CHD7: variants seen among roughly 807,000 people sequenced by gnomAD.
The protein encoded by CHD7 is chromodomain helicase DNA binding protein 7.
In CHD7, 24 loss-of-function variants were observed where a neutral mutation model predicts 307.3. The ratio of observed to expected loss-of-function variants is 0.08; its 90% CI spans 0.06 to 0.11. The LOEUF (loss-of-function observed/expected upper bound fraction) is 0.11, where lower values mean the gene tolerates loss of function less well. Among genes scored for constraint, CHD7 ranks in the 10% least tolerant of loss-of-function variants. The pLI is 1.00. For synonymous variants in CHD7, 1,363 were observed against 1,349.9 expected (o/e 1.01, Z -0.21); for missense variants, 3,106 against 3,727.1 (o/e 0.83, Z 4.34).
At chr8:60,687,312 AAT>A (rs1197218865) in intron 1 of CHD7, among the ~76,000 whole-genome samples, 3 of 152,212 alleles carry the variant, frequency 2.0e-5, no homozygotes, top group African/African-American at 4.8e-5. Context: ...ATAAAAAAAA[AAT>A]ACCCCAGTTG....
intron 1 of CHD7, among the ~76,000 whole-genome samples, chr8:60,718,787 A>G (rs1807749995): frequency 8.0e-6 from 1 of 125,566 alleles, no homozygotes; most frequent in Non-Finnish European, 1.6e-5. Flanking sequence ...TTCATTCACC[A>G]CTCACTCACT....
chr8:60,851,419 A>G (rs1805451814), intron 28 of CHD7, 100 bp downstream of exon 28: 10 of 851,814 alleles, frequency 1.2e-5, no homozygotes, highest in Non-Finnish European at 1.6e-5. Context: ...CAGTGTCTTA[A>G]CACCTTATTT....
intron 8 of CHD7, 78 bp downstream of exon 8, chr8:60,816,579 T>C (rs1803759358): frequency 1.1e-6 from 1 of 871,420 alleles, no homozygotes; most frequent in African/African-American, 1.7e-5. Flanking sequence ...GTTCCATGAA[T>C]TAAGAAAAAC....
At chr8:60,837,156 A>G in intron 17 of CHD7, 144 bp downstream of exon 17, 1 of 636,952 alleles carries the variant, frequency 1.6e-6, no homozygotes, top group East Asian at 2.9e-5. Flanking sequence ...ACCAACTAGT[A>G]ATCTGTTGAT....
intron 19 of CHD7, among the ~76,000 whole-genome samples, chr8:60,839,379 G>A (rs1439172697): frequency 6.6e-6 from 1 of 152,164 alleles, no homozygotes; most frequent in Admixed American, 6.5e-5. Flanking sequence ...TATGAAGAAT[G>A]TTGTTATGGA....
chr8:60,748,355 T>G (rs1309123180), intron 2 of CHD7, among the ~76,000 whole-genome samples: 1 of 152,110 alleles, frequency 6.6e-6, no homozygotes. Context: ...GGGCCTTGAG[T>G]GTCCCTAGTA....
chr8:60,685,215 T>TA (rs1464038294), intron 1 of CHD7, among the ~76,000 whole-genome samples: 1 of 152,156 alleles, frequency 6.6e-6, no homozygotes, highest in Non-Finnish European at 1.5e-5. Flanking sequence ...TCCAGAACTT[T>TA]AAAAAAAGTA....
chr8:60,787,925 A>G (rs965878775), intron 3 of CHD7, among the ~76,000 whole-genome samples: 3 of 147,500 alleles, frequency 2.0e-5, no homozygotes, highest in Non-Finnish European at 3.0e-5. Context: ...GGTTCAAGCG[A>G]TTCTACTGCC....
intron 1 of CHD7, among the ~76,000 whole-genome samples, chr8:60,713,357 G>A (rs1218605376): frequency 6.6e-6 from 1 of 152,078 alleles, no homozygotes; most frequent in Non-Finnish European, 1.5e-5. Flanking sequence ...TGACCCGCCT[G>A]CGTTGGCCTC....
chr8:60,774,172 G>A (rs551142142), intron 2 of CHD7, among the ~76,000 whole-genome samples: 2 of 152,284 alleles, frequency 1.3e-5, no homozygotes, highest in African/African-American at 2.4e-5. Flanking sequence ...CTCACAAGAG[G>A]CTTGGTAAAG....
intron 1 of CHD7, among the ~76,000 whole-genome samples, chr8:60,683,223 T>C (rs1452969771): frequency 1.3e-5 from 2 of 152,222 alleles, no homozygotes; most frequent in African/African-American, 4.8e-5. Context: ...TTATTTAGTC[T>C]TTAAAAAAAT....
chr8:60,832,710 A>C (rs968054173), intron 15 of CHD7, among the ~76,000 whole-genome samples: 1 of 152,220 alleles, frequency 6.6e-6, no homozygotes, highest in East Asian at 1.9e-4. Flanking sequence ...AGTTCCATCA[A>C]GTTTACCCTG....
intron 4 of CHD7, among the ~76,000 whole-genome samples, chr8:60,798,633 C>T (rs1812144540): frequency 6.6e-6 from 1 of 152,098 alleles, no homozygotes; most frequent in South Asian, 2.1e-4. Context: ...CCTCTCTCTG[C>T]CTTACTTTCT....
intron 1 of CHD7, among the ~76,000 whole-genome samples, chr8:60,737,781 G>A (rs780263565): frequency 2.6e-5 from 4 of 152,170 alleles, no homozygotes; most frequent in Non-Finnish European, 5.9e-5. Flanking sequence ...AAGTTACCGA[G>A]GAGTATTTTG....
At position 60,742,406 on chromosome 8, in the gene CHD7, A is replaced by G; in HGVS notation, c.974A>G (p.Asn325Ser). Residue 325 changes from asparagine (N) to serine (S), a missense_variant, in exon 2 of 38, where the codon AAT becomes AGT. Asn to Ser is a conservative substitution (Grantham distance 46). Transcript: ENST00000423902. Reference sequence around the variant, plus strand: ...AACCTAAATCAGGGATTAGTTAACAATACAGGGATGAATCAAAATTTAGGC... The same window carrying G: ...AACCTAAATCAGGGATTAGTTAACAGTACAGGGATGAATCAAAATTTAGGC... ...YSNLNQGLVN[N>S]TGMNQNLGLT... 6.2e-7 allele frequency: 1 copy of G among 1,614,044 alleles called. No homozygotes were observed. The highest frequency in any genetic ancestry group is 8.5e-7 in the Non-Finnish European group (1 of 1,179,870).
rs1394727727 is a variant in CHD7 at position 60,845,230 on chromosome 8, T to A, written c.5051-20T>A. On this transcript the variant is annotated intron_variant, in intron 22 of 37. Transcript: ENST00000423902. ...TTGGAATGTAAAAGGCTTCTATTATTATTATGATGGTGATTCTAGGTTTGT... is the reference window on the plus strand; with the variant it reads ...TTGGAATGTAAAAGGCTTCTATTATAATTATGATGGTGATTCTAGGTTTGT... 7 of 1,599,078 alleles carry A rather than the reference T, an allele frequency of 4.4e-6. 1 individual carries two copies. The South Asian group carries it at 7.8e-5, about 18-fold the overall frequency.
rs1804995029 is a variant in CHD7, at chr8:60,841,978, G to A, written c.4776G>A (p.Arg1592=). ...AAGAAAAGCCCTGTGCAAAGCCACG[G>A]CGTCCCCAGGATAAGTCACAGGGCT... The part of the protein sequence containing the change: ...DSEEKPCAKP[R]RPQDKSQGYA... The change falls in exon 21 of 38, where the codon CGG becomes CGA. Residue 1592 remains arginine, a synonymous_variant. Coordinates refer to ENST00000423902, the MANE Select transcript of CHD7 (RefSeq NM_017780.4). 6.2e-7 allele frequency: 1 copy of A among 1,613,714 alleles called. No individual in the cohort carries two copies. The highest frequency in any genetic ancestry group is 1.1e-5 in the South Asian group (1 of 91,018).
Position 60,743,091 on chromosome 8 carries a change from G to C in CHD7, c.1659G>C (p.Val553=), listed in dbSNP as rs1320484884. 6 of 1,612,944 alleles carry C rather than the reference G, an allele frequency of 3.7e-6. No homozygotes were observed. The highest frequency in any genetic ancestry group is 5.1e-6 in the Non-Finnish European group (6 of 1,179,406). The part of the protein sequence containing the change: ...SPQNTPQKVP[V]HQHSPSEPFL... ...AGAACACCCCGCAGAAAGTGCCTGTGCATCAGGTAAGGGGACACAGAGCCT... is the reference window on the plus strand; with the variant it reads ...AGAACACCCCGCAGAAAGTGCCTGTCCATCAGGTAAGGGGACACAGAGCCT... The change falls in exon 2 of 38, where the codon GTG becomes GTC. Residue 553 remains valine, a synonymous_variant. Transcript: ENST00000423902.
chr8:60,779,308 TTA>T (rs1807830599), intron 2 of CHD7, among the ~76,000 whole-genome samples: 1 of 152,196 alleles, frequency 6.6e-6, no homozygotes, highest in African/African-American at 2.4e-5. Flanking sequence ...GCTCTTTCTC[TTA>T]CACCAGTGCA....
Sources: gnomAD v4.1 joint callset for allele counts (sites outside exome capture counted in the v4.1 genomes callset) on GRCh38, gnomAD v4.1.1 for gene constraint, MANE v1.5 for transcripts, NCBI Gene and HGNC (gene_info 2026-07-23, HGNC 2026-07-21) for gene names.